EHD4: variants seen among roughly 807,000 people sequenced by gnomAD.
EHD4 encodes the protein EH domain-containing protein 4.
In EHD4, 37 loss-of-function variants were observed where a neutral mutation model predicts 51.0. That is an observed-to-expected ratio of 0.73 (90% confidence interval 0.56 to 0.95). EHD4 has a LOEUF of 0.95. EHD4 is among the 40% of genes least tolerant of loss of function. The pLI, the probability that EHD4 is intolerant of heterozygous loss-of-function variation, is 0.00. For synonymous variants in EHD4, 297 were observed against 317.3 expected, an observed-to-expected ratio of 0.94 and a Z score of 0.68; for missense variants, 632 against 733.1, an observed-to-expected ratio of 0.86 and a Z score of 1.59.
intron 2 of EHD4, 88 bp from the exon 3 acceptor site, chr15:41,943,252 T>C: frequency 9.8e-7 from 1 of 1,017,468 alleles, no homozygotes; most frequent in African/African-American, 1.6e-5. Flanking sequence ...CTGGGCTTAC[T>C]GACATCTGTA....
intron 4 of EHD4, among the ~76,000 whole-genome samples, chr15:41,913,574 G>A (rs67310386): frequency 0.23 from 35,596 of 152,116 alleles, 4,515 homozygotes; most frequent in Middle Eastern, 0.42. Flanking sequence ...GAGTTATTAT[G>A]AGAATAAAAG....
chr15:41,932,786 A>G (rs1208885754), intron 3 of EHD4, among the ~76,000 whole-genome samples: 8 of 151,550 alleles, frequency 5.3e-5, no homozygotes, highest in Admixed American at 4.6e-4. Context: ...TACTTCACGC[A>G]CCCTCACCGC....
intron 3 of EHD4, among the ~76,000 whole-genome samples, chr15:41,938,965 A>G (rs1359522763): frequency 6.6e-6 from 1 of 152,252 alleles, no homozygotes; most frequent in Non-Finnish European, 1.5e-5. Flanking sequence ...GTTTAGGTTC[A>G]GCATGGACTC....
chr15:41,950,662 G>A (rs1231023525), intron 2 of EHD4, among the ~76,000 whole-genome samples: 3 of 152,190 alleles, frequency 2.0e-5, no homozygotes. Context: ...AAGTAGCTAT[G>A]AGTTTACATG....
chr15:41,914,107 A>C (rs1285059328), intron 4 of EHD4, among the ~76,000 whole-genome samples: 1 of 151,948 alleles, frequency 6.6e-6, no homozygotes, highest in Non-Finnish European at 1.5e-5. Flanking sequence ...GGCCACATCT[A>C]CTCTGGGCTT....
chr15:41,964,053 G>A (rs1311283700), intron 1 of EHD4, among the ~76,000 whole-genome samples: 1 of 149,180 alleles, frequency 6.7e-6, no homozygotes, highest in East Asian at 2.0e-4. Flanking sequence ...GCTGAGGCAG[G>A]AGAATGGCGT....
chr15:41,909,812 C>G lies in EHD4; in HGVS notation c.976G>C (p.Gly326Arg). ...YLKKEMPSVFGKENKKRELIS... is the reference protein window; with the variant it reads ...YLKKEMPSVFRKENKKRELIS... The stretch of plus-strand genomic sequence containing the variant: ...AGCTCTCTCTTCTTGTTTTCCTTTC[C>G]AAATACACTTGGCATCTCCTTCTTC... The change falls in exon 5 of 6, where the codon GGA becomes CGA. Residue 326 changes from glycine (G) to arginine (R), a missense_variant. Gly to Arg is a moderately radical substitution (Grantham distance 125, BLOSUM62 -2). Transcript: ENST00000220325. 6.2e-7 allele frequency: 1 copy of G among 1,614,226 alleles called. No homozygotes were observed. The highest frequency in any genetic ancestry group is 8.5e-7 in the Non-Finnish European group (1 of 1,180,048).
chr15:41,935,896 T>C (rs1486555190), intron 3 of EHD4, among the ~76,000 whole-genome samples: 1 of 152,182 alleles, frequency 6.6e-6, no homozygotes, highest in African/African-American at 2.4e-5. Context: ...ACTGAGCTGG[T>C]TCTGTGATGG....
intron 1 of EHD4, among the ~76,000 whole-genome samples, chr15:41,962,646 C>A (rs550786024): frequency 1.1e-4 from 16 of 152,124 alleles, no homozygotes; most frequent in Non-Finnish European, 1.9e-4. Flanking sequence ...AAAGAGCGCC[C>A]GGCCAGCCGC....
intron 3 of EHD4, among the ~76,000 whole-genome samples, chr15:41,920,110 T>C (rs993499326): frequency 2.6e-5 from 4 of 152,246 alleles, no homozygotes; most frequent in Admixed American, 1.3e-4. Context: ...AGGCATCGCC[T>C]TCAATTAACC....
intron 1 of EHD4, among the ~76,000 whole-genome samples, chr15:41,957,186 C>T (rs922190864): frequency 1.3e-5 from 2 of 152,020 alleles, no homozygotes; most frequent in Non-Finnish European, 2.9e-5. Context: ...AAAAATTAGC[C>T]AGGTGTGGTG....
At position 41,900,578 on chromosome 15, in the gene EHD4, G is replaced by A; in HGVS notation, c.*67C>T. 1.4e-6 allele frequency: 2 copies of A among 1,452,638 alleles called. No individual in the cohort carries two copies. The allele number at this position is 1,452,638 out of a possible 1,614,324, so 90.0% of individuals were successfully genotyped here. ...AGTGCCTTGCCCAAGGTCATTCGGT[G>A]AGTCAGTGGTGGAGCAGGCCTGAGG... On this transcript the variant is annotated 3_prime_UTR_variant, in exon 6 of 6. Coordinates refer to ENST00000220325, the MANE Select transcript of EHD4 (RefSeq NM_139265.4). The surrounding 1 kb of genome is among the most constrained non-coding windows in gnomAD (Gnocchi z 4.8).
chr15:41,933,080 C>T (rs1035113929), intron 3 of EHD4, among the ~76,000 whole-genome samples: 3 of 152,190 alleles, frequency 2.0e-5, no homozygotes, highest in African/African-American at 7.2e-5. Context: ...CTCACAGGGC[C>T]CCATGCTGGG....
chr15:41,965,337 T>A lies in EHD4; in HGVS notation c.236+6922A>T, dbSNP rs551587190. On this transcript the variant is annotated intron_variant, in intron 1 of 5. Coordinates refer to ENST00000220325, the MANE Select transcript of EHD4 (RefSeq NM_139265.4). The stretch of plus-strand genomic sequence containing the variant: ...AAGAACCCCATTTATTAAATTATAT[T>A]TACACAATCCTCAGTTTTGTAAGCA... Among the ~76,000 whole-genome samples, 19 of 152,346 alleles carry A rather than the reference T, an allele frequency of 1.2e-4. No individual in the cohort carries two copies. In the East Asian group the frequency reaches 3.5e-3, roughly 28 times the overall value.
Position 41,909,767 on chromosome 15 carries a change from T to C in EHD4, c.1021A>G (p.Ile341Val). 1 of 1,614,204 alleles carries C rather than the reference T, an allele frequency of 6.2e-7. No homozygotes were observed. The highest frequency in any genetic ancestry group is 8.5e-7 in the Non-Finnish European group (1 of 1,180,036). The change falls in exon 5 of 6, where the codon ATC becomes GTC. Residue 341 changes from isoleucine (I) to valine (V), a missense_variant. Ile to Val is a conservative substitution (Grantham distance 29). Transcript: ENST00000220325. ...KRELISRLPE[I>V]YIQLQREYQI... ...TATTCTCGCTGTAGCTGAATGTAGA[T>C]TTCCGGTAGCCTGCTGATAAGCTCT...
chr15:41,915,597 G>A (rs953802050), intron 4 of EHD4, among the ~76,000 whole-genome samples: 3 of 152,206 alleles, frequency 2.0e-5, no homozygotes, highest in East Asian at 1.9e-4. Context: ...TGGGCAATAC[G>A]CTTCTAAAGG....
chr15:41,939,206 T>C (rs1384198266), intron 3 of EHD4, among the ~76,000 whole-genome samples: 1 of 152,246 alleles, frequency 6.6e-6, no homozygotes, highest in South Asian at 2.1e-4. Flanking sequence ...ATTCTTTCAT[T>C]GGCTACTAAA....
At position 41,899,576 on chromosome 15, in the gene EHD4, G is replaced by A. The variant is rs1409671879; in HGVS notation, c.*1069C>T. 1 of 151,770 alleles carries A rather than the reference G, an allele frequency of 6.6e-6. No individual in the cohort carries two copies. The highest frequency in any genetic ancestry group is 1.5e-5 in the Non-Finnish European group (1 of 68,008). The allele number at this position is 151,770 out of a possible 1,614,324, so 9.4% of individuals were successfully genotyped here. A position where few individuals can be genotyped will look rare whatever the true frequency, so the allele number is the denominator to read the frequency against. On this transcript the variant is annotated 3_prime_UTR_variant, in exon 6 of 6. Transcript: ENST00000220325. Reference sequence around the variant, plus strand: ...TCTACAAAAACAATGTCTAACTCTGGGTGGACTGATCTCTTCTCAACAGCC... The same window carrying A: ...TCTACAAAAACAATGTCTAACTCTGAGTGGACTGATCTCTTCTCAACAGCC...
At position 41,900,053 on chromosome 15, in the gene EHD4, G is replaced by A. The variant is rs190229038; in HGVS notation, c.*592C>T. 2.5e-3 allele frequency: 384 copies of A among 152,792 alleles called. 3 individuals carry two copies. The highest frequency in any genetic ancestry group is 2.6e-3 in the Non-Finnish European group (176 of 68,122). The allele number at this position is 152,792 out of a possible 1,614,324, so 9.5% of individuals were successfully genotyped here. A position where few individuals can be genotyped will look rare whatever the true frequency, so the allele number is the denominator to read the frequency against. On this transcript the variant is annotated 3_prime_UTR_variant, in exon 6 of 6. Coordinates refer to ENST00000220325, the MANE Select transcript of EHD4 (RefSeq NM_139265.4). This position sits in a 1 kb window ranked among gnomAD's most constrained non-coding sequence, Gnocchi z 4.8. ...CTCTGCTGGAGACTGCAGAATGGAT[G>A]GCAGATCCACAGTGCATCCCCCTTC...
Sources: gnomAD v4.1 joint callset for allele counts (sites outside exome capture counted in the v4.1 genomes callset) on GRCh38, gnomAD v4.1.1 for gene constraint, Gnocchi (gnomAD v3.1) non-coding constraint, MANE v1.5 for transcripts, NCBI Gene and HGNC (gene_info 2026-07-23, HGNC 2026-07-21) for gene names.